ARHGAP6: variants seen among roughly 807,000 people sequenced by gnomAD.
ARHGAP6 encodes rho GTPase-activating protein 6.
A neutral mutation model predicts 55.7 loss-of-function variants in ARHGAP6; 16 were observed. That is an observed-to-expected ratio of 0.29 (90% CI 0.19 to 0.44). The LOEUF is 0.44. Ranked by LOEUF, ARHGAP6 falls within the 20% of genes least tolerant of loss-of-function variation. ARHGAP6 has a pLI of 1.00. For synonymous variants in ARHGAP6, 382 were observed against 360.9 expected (o/e 1.06, Z -0.66); for missense variants, 698 against 808.9 (o/e 0.86, Z 1.66).
At chrX:11,408,891 T>TCACACACACACACACATA in intron 1 of ARHGAP6, among the ~76,000 whole-genome samples, 1 of 107,318 alleles carries the variant, frequency 9.3e-6, no homozygotes, top group African/African-American at 3.4e-5. Context: ...AAATTGATCA[T>TCACACACACACACACATA]CACACACACA....
In ARHGAP6 at chrX:11,174,569, CCTTCCTTTCTTT is replaced by C. The variant is rs1406525253; in HGVS notation, c.1629+3519_1629+3530del. On this transcript the variant is annotated intron_variant, in intron 8 of 12. Transcript: ENST00000337414. The stretch of plus-strand genomic sequence containing the variant: ...TCCTTCCTTCCTTCCTTCCTTCCTT[CCTTCCTTTCTTT>C]CTTTCTTTCTTTTTCTTTCTTTCTT... Among the ~76,000 whole-genome samples, 54 of 59,142 alleles carry C rather than the reference CCTTCCTTTCTTT, an allele frequency of 9.1e-4. 1 individual carries two copies. The highest frequency in any genetic ancestry group is 3.6e-3 in the African/African-American group (43 of 11,849). 51.4% of individuals were successfully genotyped at this position (59,142 alleles called of 115,157 possible). A position where few individuals can be genotyped will look rare whatever the true frequency, so the allele number is the denominator to read the frequency against.
At chrX:11,628,983 ACG>A (rs777995340) in intron 1 of ARHGAP6, among the ~76,000 whole-genome samples, 3 of 71,832 alleles carry the variant, frequency 4.2e-5, no homozygotes, top group Middle Eastern at 7.0e-3. Context: ...TGCTTCAGAT[ACG>A]TGTGTGTGTG....
chrX:11,512,116 A>G (rs1163844301), intron 1 of ARHGAP6, among the ~76,000 whole-genome samples: 4 of 111,530 alleles, frequency 3.6e-5, no homozygotes, highest in Non-Finnish European at 7.5e-5. Flanking sequence ...GTGAGCCACC[A>G]CGCGTTTTCT....
intron 1 of ARHGAP6, among the ~76,000 whole-genome samples, chrX:11,293,100 G>C (rs1175550654): frequency 8.9e-6 from 1 of 112,367 alleles, no homozygotes; most frequent in Non-Finnish European, 1.9e-5. Context: ...TTGTTTGCTA[G>C]AACTGAGGAA....
chrX:11,230,754 G>GCA (rs746618429), intron 2 of ARHGAP6, among the ~76,000 whole-genome samples: 52 of 108,647 alleles, frequency 4.8e-4, no homozygotes, highest in Non-Finnish European at 7.3e-4. Context: ...GTGAATATAT[G>GCA]CACACACACA....
chrX:11,346,563 G>C (rs1392147545), intron 1 of ARHGAP6, among the ~76,000 whole-genome samples: 1 of 110,635 alleles, frequency 9.0e-6, no homozygotes, highest in Non-Finnish European at 1.9e-5. Flanking sequence ...ACAAAAATTA[G>C]CCAGGCATGC....
chrX:11,297,283 G>A (rs919112124), intron 1 of ARHGAP6, among the ~76,000 whole-genome samples: 1 of 112,028 alleles, frequency 8.9e-6, no homozygotes, highest in Admixed American at 9.4e-5. Flanking sequence ...TGGTATAGGA[G>A]AGACTCCGCA....
rs1406757829 is a variant in ARHGAP6, at chrX:11,411,047, C to T, written c.589-156340G>A. On this transcript the variant is annotated intron_variant, in intron 1 of 12. Transcript: ENST00000337414. ...ACAAGGGGAATGCTTTCAACAGTCCCAAGCAAATTTCAGTGTCACATGGTT... is the reference window on the plus strand; with the variant it reads ...ACAAGGGGAATGCTTTCAACAGTCCTAAGCAAATTTCAGTGTCACATGGTT... Among the ~76,000 whole-genome samples the T allele has an allele frequency of 1.9e-5, 2 of 104,165 alleles. 1 individual carries two copies. Among genetic ancestry groups the T allele is most frequent in the East Asian group, 6.3e-4 (2 of 3,167 alleles). The allele number at this position is 104,165 out of a possible 115,157, so 90.5% of individuals were successfully genotyped here.
chrX:11,472,852 C>G (rs761512412), intron 1 of ARHGAP6, among the ~76,000 whole-genome samples: 2 of 110,928 alleles, frequency 1.8e-5, no homozygotes, highest in East Asian at 5.7e-4. Flanking sequence ...TAGGTGTCTG[C>G]CAAGATGGGT....
chrX:11,407,680 A>T (rs1177868366), intron 1 of ARHGAP6, among the ~76,000 whole-genome samples: 4 of 111,806 alleles, frequency 3.6e-5, no homozygotes, highest in African/African-American at 1.3e-4. Context: ...TTTCATCATT[A>T]CTATCCTGGT....
rs1486582690 is a variant in ARHGAP6, at chrX:11,325,581, T to C, written c.589-70874A>G. On this transcript the variant is annotated intron_variant, in intron 1 of 12. Coordinates refer to ENST00000337414, the MANE Select transcript of ARHGAP6 (RefSeq NM_013427.3). ...ATACAAATTTTTCTTTCAGAAAATGTTGTCACTGTTATTCACATTCCTACA... is the reference window on the plus strand; with the variant it reads ...ATACAAATTTTTCTTTCAGAAAATGCTGTCACTGTTATTCACATTCCTACA... 3.6e-5 allele frequency among the ~76,000 whole-genome samples: 4 copies of C among 112,393 alleles called. No individual in the cohort carries two copies. In the Admixed American group the frequency reaches 3.8e-4, roughly 11 times the overall value.
At chrX:11,382,838 A>G (rs1056120295) in intron 1 of ARHGAP6, among the ~76,000 whole-genome samples, 6 of 112,259 alleles carry the variant, frequency 5.3e-5, no homozygotes, top group Admixed American at 4.7e-4. Flanking sequence ...ATGAAAATTC[A>G]TCTGTAATGA....
intron 5 of ARHGAP6, among the ~76,000 whole-genome samples, chrX:11,183,910 A>G (rs2046351954): frequency 8.9e-6 from 1 of 112,193 alleles, no homozygotes; most frequent in African/African-American, 3.2e-5. Context: ...GATCATTGCC[A>G]TTGATGAGCA....
At chrX:11,557,276 A>G (rs2051329303) in intron 1 of ARHGAP6, among the ~76,000 whole-genome samples, 1 of 111,934 alleles carries the variant, frequency 8.9e-6, no homozygotes, top group Admixed American at 9.4e-5. Flanking sequence ...TATGACAGCT[A>G]TGAATAGAAT....
intron 1 of ARHGAP6, among the ~76,000 whole-genome samples, chrX:11,478,412 C>T (rs763024321): frequency 3.3e-4 from 37 of 111,852 alleles, no homozygotes; most frequent in Non-Finnish European, 5.5e-4. Flanking sequence ...AAAAGCATTG[C>T]GTACAGTGAA....
chrX:11,617,815 C>G (rs1010516042), intron 1 of ARHGAP6, among the ~76,000 whole-genome samples: 5 of 111,401 alleles, frequency 4.5e-5, no homozygotes, highest in African/African-American at 1.6e-4. Context: ...TGCTTGCAGA[C>G]AGAATGCTTG....
At chrX:11,376,478 A>G (rs1025828378) in intron 1 of ARHGAP6, among the ~76,000 whole-genome samples, 1 of 113,071 alleles carries the variant, frequency 8.8e-6, no homozygotes, top group Admixed American at 9.3e-5. Flanking sequence ...GAATGAGGGC[A>G]GCTTCTATTA....
chrX:11,346,512 G>A (rs1252535699), intron 1 of ARHGAP6, among the ~76,000 whole-genome samples: 1 of 111,173 alleles, frequency 9.0e-6, no homozygotes, highest in Non-Finnish European at 1.9e-5. Context: ...GAGCCCAGGA[G>A]TTTGAGACCA....
At chrX:11,538,576 A>T (rs1489660815) in intron 1 of ARHGAP6, among the ~76,000 whole-genome samples, 1 of 111,569 alleles carries the variant, frequency 9.0e-6, no homozygotes, top group African/African-American at 3.3e-5. Context: ...TTCTCAATTT[A>T]ATAAAGAATT....
Sources: allele counts gnomAD v4.1 joint callset (sites outside exome capture counted in the v4.1 genomes callset), GRCh38; gene constraint gnomAD v4.1.1; transcripts MANE v1.5; gene names NCBI Gene and HGNC (gene_info 2026-07-23, HGNC 2026-07-21).